The following ARGLU1 variants were observed in gnomAD, a reference collection of about 807,000 sequenced individuals.
ARGLU1 encodes arginine and glutamate rich 1, also known as arginine and glutamate-rich protein 1.
A neutral mutation model predicts 37.6 loss-of-function variants in ARGLU1; 9 were observed. The observed-to-expected ratio is 0.24, with a 90% CI of 0.14 to 0.42. The LOEUF is 0.42. Among genes scored for constraint, ARGLU1 ranks in the 10% least tolerant of loss-of-function variants. The pLI is 1.00. For missense variants in ARGLU1, 211 were observed against 359.2 expected (o/e 0.59, Z 3.34); for synonymous variants, 166 against 138.5 (o/e 1.20, Z -1.39).
Position 106,557,333 on chromosome 13 carries a change from C to T in ARGLU1, c.574-202G>A. On this transcript the variant is annotated intron_variant, in intron 2 of 3. Coordinates refer to ENST00000400198, the MANE Select transcript of ARGLU1 (RefSeq NM_018011.4). The surrounding 1 kb of genome is among the most constrained non-coding windows in gnomAD (Gnocchi z 5.0). ...TTTAAATCATCCCTCCCAGTCCAAA[C>T]AGCAACCAACTAAACCCTCCCTAAT... The T allele has an allele frequency of 1.6e-6, 1 of 638,026 alleles. No individual in the cohort carries two copies. The highest frequency in any genetic ancestry group is 2.5e-5 in the South Asian group (1 of 39,372). The allele number at this position is 638,026 out of a possible 1,614,324, so 39.5% of individuals were successfully genotyped here.
At chr13:106,558,618 G>A in intron 2 of ARGLU1, 1 of 985,336 alleles carries the variant, frequency 1.0e-6, no homozygotes, top group Non-Finnish European at 1.2e-6. Flanking sequence ...AGTAATCAGT[G>A]CAAACAAGCC....
chr13:106,560,928 G>A (rs1458166808), intron 1 of ARGLU1, among the ~76,000 whole-genome samples: 1 of 151,982 alleles, frequency 6.6e-6, no homozygotes, highest in Non-Finnish European at 1.5e-5. Context: ...CTATTCTTCG[G>A]GATGATTCAA....
chr13:106,562,854 A>AT (rs34334892), intron 1 of ARGLU1, among the ~76,000 whole-genome samples: 47,189 of 150,934 alleles, frequency 0.31, 7,668 homozygotes, highest in African/African-American at 0.39. Context: ...AAATAAATAA[A>AT]AAATAAAAAT....
chr13:106,544,272 G>A (rs1289458655), intron 3 of ARGLU1, 112 bp from the exon 4 acceptor site: 13 of 858,546 alleles, frequency 1.5e-5, no homozygotes, highest in Admixed American at 3.6e-5. Context: ...TAATGCAAAT[G>A]CAAAAAAGGG....
intron 3 of ARGLU1, among the ~76,000 whole-genome samples, chr13:106,553,628 A>G (rs1055081878): frequency 2.0e-4 from 31 of 152,308 alleles, no homozygotes; most frequent in Admixed American, 9.2e-4. Flanking sequence ...GGGGATTTCT[A>G]TTAAGGAAAA....
Position 106,543,867 on chromosome 13 carries a change from T to C in ARGLU1, c.*129A>G, listed in dbSNP as rs1594186317. 3.4e-6 allele frequency: 3 copies of C among 873,030 alleles called. No homozygotes were observed. Among genetic ancestry groups the C allele is most frequent in the South Asian group, 3.6e-5 (2 of 55,452 alleles). The allele number at this position is 873,030 out of a possible 1,614,324, so 54.1% of individuals were successfully genotyped here. On this transcript the variant is annotated 3_prime_UTR_variant, in exon 4 of 4. Coordinates refer to ENST00000400198, the MANE Select transcript of ARGLU1 (RefSeq NM_018011.4). ...AGGGAATTGCAGAGCATAGCCCCTA[T>C]TAGAACAAGCTAACTTTCCAGATTT...
chr13:106,548,337 T>C (rs1880447169), intron 3 of ARGLU1, among the ~76,000 whole-genome samples: 1 of 152,200 alleles, frequency 6.6e-6, no homozygotes, highest in African/African-American at 2.4e-5. Flanking sequence ...ACCCTCTCTC[T>C]GTAGTAACTT....
In ARGLU1 at chr13:106,544,011, T is replaced by C; in HGVS notation, c.807A>G (p.Leu269=). 3 of 1,584,988 alleles carry C rather than the reference T, an allele frequency of 1.9e-6. No homozygotes were observed. In the South Asian group the frequency reaches 3.6e-5, roughly 19 times the overall value. Residue 269 remains leucine (L), a synonymous_variant, in exon 4 of 4, where the codon TTA becomes TTG. Coordinates refer to ENST00000400198, the MANE Select transcript of ARGLU1 (RefSeq NM_018011.4). Reference sequence around the variant, plus strand: ...AGTTTGCAATTTAATCCTGGGTTTTTAATGAGAAGGACAGTTTTGGCCTGG... The same window carrying C: ...AGTTTGCAATTTAATCCTGGGTTTTCAATGAGAAGGACAGTTTTGGCCTGG... ...GKSRPKLSFS[L]KTQD
intron 1 of ARGLU1, among the ~76,000 whole-genome samples, chr13:106,560,344 A>G (rs1594193679): frequency 1.3e-5 from 2 of 152,332 alleles, no homozygotes; most frequent in South Asian, 4.1e-4. Context: ...ATGATACTAC[A>G]GTTTTAATTA....
intron 1 of ARGLU1, among the ~76,000 whole-genome samples, chr13:106,565,519 A>C (rs769657148): frequency 3.3e-5 from 5 of 152,228 alleles, no homozygotes; most frequent in Non-Finnish European, 7.3e-5. Context: ...GAGAAGGGCC[A>C]ATCATCTTTA....
chr13:106,567,792 G>T lies in ARGLU1; in HGVS notation c.128C>A (p.Ser43Tyr). 1 of 1,613,498 alleles carries T rather than the reference G, an allele frequency of 6.2e-7. No homozygotes were observed. The highest frequency in any genetic ancestry group is 8.5e-7 in the Non-Finnish European group (1 of 1,179,746). Residue 43 changes from serine (S) to tyrosine (Y), a missense_variant, in exon 1 of 4, where the codon TCT becomes TAT. By Grantham distance (144) the Ser-to-Tyr change is moderately radical (BLOSUM62 -2). Coordinates refer to ENST00000400198, the MANE Select transcript of ARGLU1 (RefSeq NM_018011.4). This position sits in a 1 kb window ranked among gnomAD's most constrained non-coding sequence, Gnocchi z 4.3. ...DKERVRKRSKSRESKRNRRRE... is the reference protein window; with the variant it reads ...DKERVRKRSKYRESKRNRRRE... ...CCGCCGGTTCCGTTTACTTTCCCGA[G>T]ATTTGGAACGCTTCCGCACGCGCTC...
At chr13:106,548,058 A>G (rs960547798) in intron 3 of ARGLU1, among the ~76,000 whole-genome samples, 5 of 152,238 alleles carry the variant, frequency 3.3e-5, no homozygotes, top group African/African-American at 9.6e-5. Context: ...CTAGGCATAC[A>G]GTGCCTACTA....
At chr13:106,563,340 GTTTCTAGAC>G (rs944624439) in intron 1 of ARGLU1, among the ~76,000 whole-genome samples, 2 of 152,170 alleles carry the variant, frequency 1.3e-5, no homozygotes, top group Non-Finnish European at 2.9e-5. Flanking sequence ...AGGAGCTGAA[GTTTCTAGAC>G]TCGAGCACAC....
intron 3 of ARGLU1, among the ~76,000 whole-genome samples, chr13:106,548,373 C>G (rs1004768864): frequency 6.6e-6 from 1 of 152,070 alleles, no homozygotes; most frequent in African/African-American, 2.4e-5. Flanking sequence ...CTTGACTTGC[C>G]GGAGAATACA....
Position 106,567,444 on chromosome 13 carries a change from C to G in ARGLU1, c.347+129G>C. 1 of 625,470 alleles carries G rather than the reference C, an allele frequency of 1.6e-6. No homozygotes were observed. Among genetic ancestry groups the G allele is most frequent in the Non-Finnish European group, 2.5e-6 (1 of 393,848 alleles). The allele number at this position is 625,470 out of a possible 1,614,324, so 38.7% of individuals were successfully genotyped here. ...CGCCGCCGCCTCTCCGACCCGTTCC[C>G]GCGCCCGGTCCCCAGCCCCGGACCG... On this transcript the variant is annotated intron_variant, in intron 1 of 3. Coordinates refer to ENST00000400198, the MANE Select transcript of ARGLU1 (RefSeq NM_018011.4). The surrounding 1 kb of genome is among the most constrained non-coding windows in gnomAD (Gnocchi z 4.3).
Position 106,544,116 on chromosome 13 carries a change from A to G in ARGLU1, c.702T>C (p.His234=), listed in dbSNP as rs1203774750. 2.5e-6 allele frequency: 4 copies of G among 1,598,266 alleles called. No homozygotes were observed. Among genetic ancestry groups the G allele is most frequent in the Non-Finnish European group, 1.7e-6 (2 of 1,175,758 alleles). ...CTTGTTCTAGTTTCATCCTTTCCTC[A>G]TGAATCTTTCTTTGTTCTTCAACAA... ...LRIVEEQRKI[H]EERMKLEQER... is the part of the protein sequence containing the mutation. Residue 234 remains histidine, a synonymous_variant, in exon 4 of 4, where the codon CAT becomes CAC. Coordinates refer to ENST00000400198, the MANE Select transcript of ARGLU1 (RefSeq NM_018011.4).
At position 106,559,513 on chromosome 13, in the gene ARGLU1, G is replaced by T; in HGVS notation, c.492C>A (p.Ala164=). The change falls in exon 2 of 4, where the codon GCC becomes GCA. Residue 164 remains alanine, a synonymous_variant. Coordinates refer to ENST00000400198, the MANE Select transcript of ARGLU1 (RefSeq NM_018011.4). ...GCAACTGCTTTTCCATGATGCGTTT[G>T]GCTTCCTCCACCCTTCGGAGAACTT... ...EREVLRRVEE[A]KRIMEKQLLE... The T allele has an allele frequency of 6.2e-7, 1 of 1,614,098 alleles. No individual in the cohort carries two copies. The highest frequency in any genetic ancestry group is 8.5e-7 in the Non-Finnish European group (1 of 1,180,028).
intron 3 of ARGLU1, among the ~76,000 whole-genome samples, chr13:106,552,918 G>GA (rs1194595724): frequency 1.3e-5 from 2 of 152,062 alleles, no homozygotes; most frequent in South Asian, 2.1e-4. Flanking sequence ...ATGTGGAACT[G>GA]AAAAAAACAG....
At chr13:106,563,618 A>G (rs1209780306) in intron 1 of ARGLU1, among the ~76,000 whole-genome samples, 4 of 152,230 alleles carry the variant, frequency 2.6e-5, no homozygotes, top group African/African-American at 9.7e-5. Flanking sequence ...AGCCTGGGAA[A>G]CATAGTGACT....
Sources: gnomAD v4.1 joint callset for allele counts (sites outside exome capture counted in the v4.1 genomes callset) on GRCh38, gnomAD v4.1.1 for gene constraint, Gnocchi (gnomAD v3.1) non-coding constraint, MANE v1.5 for transcripts, NCBI Gene and HGNC (gene_info 2026-07-23, HGNC 2026-07-21) for gene names.